Variants in NDUFA7 observed in about 807,000 individuals in gnomAD.
NDUFA7 encodes NADH:ubiquinone oxidoreductase subunit A7.
In NDUFA7, 18 loss-of-function variants were observed where a neutral mutation model predicts 14.2. The ratio of observed to expected loss-of-function variants is 1.27; its 90% CI spans 0.88 to 1.88. The LOEUF is 1.88. Among genes scored for constraint, NDUFA7 ranks in the 40% most tolerant of loss-of-function variants. NDUFA7 has a pLI of 0.00. For synonymous variants in NDUFA7, 75 were observed against 62.1 expected, an observed-to-expected ratio of 1.21 and a Z score of -0.98; for missense variants, 172 against 147.3, an observed-to-expected ratio of 1.17 and a Z score of -0.87.
At chr19:8,311,801 C>T (rs1197273087) in intron 3 of NDUFA7, among the ~76,000 whole-genome samples, 3 of 152,204 alleles carry the variant, frequency 2.0e-5, no homozygotes, top group East Asian at 1.9e-4. Context: ...CAAGCCTCCT[C>T]TCTCCCCTGA....
At chr19:8,320,217 T>C (rs1438882374) in intron 2 of NDUFA7, among the ~76,000 whole-genome samples, 3 of 152,190 alleles carry the variant, frequency 2.0e-5, no homozygotes. Flanking sequence ...GACTCAACTG[T>C]CAATTTCCAA....
intron 3 of NDUFA7, among the ~76,000 whole-genome samples, chr19:8,314,942 T>C (rs988385753): frequency 4.6e-5 from 7 of 152,266 alleles, no homozygotes; most frequent in African/African-American, 1.7e-4. Flanking sequence ...GTGTAGAAAG[T>C]AGACATAAGA....
Position 8,312,673 on chromosome 19 carries a change from TA to T in NDUFA7, c.252-1079del, listed in dbSNP as rs1208049098. ...TTTTTGTATTTTCTTTCTTGTTTAT[TA>T]TTTATGAGACAGGGTCTCACTTTGT... On this transcript the variant is annotated intron_variant, in intron 3 of 3. Transcript: ENST00000301457. Among the ~76,000 whole-genome samples the T allele has an allele frequency of 5.3e-5, 8 of 152,142 alleles. No homozygotes were observed. In the East Asian group the frequency reaches 1.5e-3, roughly 29 times the overall value.
intron 2 of NDUFA7, among the ~76,000 whole-genome samples, chr19:8,319,857 T>A (rs896044559): frequency 6.6e-6 from 1 of 151,092 alleles, no homozygotes; most frequent in Admixed American, 6.6e-5. Context: ...TTCTTTTTTA[T>A]TTTTTTGAGA....
chr19:8,320,870 C>A lies in NDUFA7; in HGVS notation c.88G>T (p.Glu30Ter), dbSNP rs200548169. The A allele has an allele frequency of 1.2e-6, 2 of 1,613,714 alleles. No individual in the cohort carries two copies. Among genetic ancestry groups the A allele is most frequent in the South Asian group, 1.1e-5 (1 of 91,078 alleles). ...LQGKLQLRYQ[E>*]ISKRTQPPPK... ...GGGCCTGCTCACCGCTTGGAGATCT[C>A]CTGGTAGCGTAGCTGCAGCTTCCCC... Residue 30 changes from glutamate to a stop codon, truncating the protein, a stop_gained, in exon 2 of 4, where the codon GAG (glutamate) becomes TAG (stop). Transcript: ENST00000301457. LOFTEE classifies it high-confidence loss of function.
chr19:8,321,283 G>C, intron 1 of NDUFA7, 25 bp downstream of exon 1: 2 of 1,551,466 alleles, frequency 1.3e-6, no homozygotes, highest in Non-Finnish European at 1.7e-6. Flanking sequence ...GCCCCCCATG[G>C]TGCAGCCCTG....
intron 3 of NDUFA7, among the ~76,000 whole-genome samples, chr19:8,314,799 G>C (rs887729086): frequency 6.6e-6 from 1 of 151,984 alleles, no homozygotes; most frequent in Non-Finnish European, 1.5e-5. Context: ...TGTAGTCCTA[G>C]CCACTAGGCA....
At chr19:8,319,696 ACTGCCT>A (rs1268216655) in intron 2 of NDUFA7, 1 of 152,088 alleles carries the variant, frequency 6.6e-6, no homozygotes, top group African/African-American at 2.4e-5. Context: ...ATCCTCAATG[ACTGCCT>A]TACCTCTGCC....
Position 8,316,579 on chromosome 19 carries a change from A to G in NDUFA7, c.168T>C (p.Thr56=). 1 of 1,614,148 alleles carries G rather than the reference A, an allele frequency of 6.2e-7. No homozygotes were observed. Among genetic ancestry groups the G allele is most frequent in the Non-Finnish European group, 8.5e-7 (1 of 1,180,036 alleles). The change falls in exon 3 of 4, where the codon ACT becomes ACC. Residue 56 remains threonine, a synonymous_variant. Transcript: ENST00000301457. ...SHKLSNNYYC[T]RDGRRESVPP... ...GCACAGATTCCCGGCGGCCATCGCG[A>G]GTGCAATAGTAATTGTTGGAGAGCT...
intron 2 of NDUFA7, among the ~76,000 whole-genome samples, chr19:8,318,846 C>T (rs1287395703): frequency 6.6e-6 from 1 of 151,316 alleles, no homozygotes; most frequent in East Asian, 2.0e-4. Context: ...TGGTGCACGC[C>T]TGTAGCCCCA....
At chr19:8,315,589 T>C (rs111979869) in intron 3 of NDUFA7, among the ~76,000 whole-genome samples, 3,346 of 152,224 alleles carry the variant, frequency 0.022, 172 homozygotes, top group South Asian at 0.17. Flanking sequence ...TCTCCACTAT[T>C]ATCCTATGAT....
At chr19:8,320,592 G>C (rs745383482) in intron 2 of NDUFA7, among the ~76,000 whole-genome samples, 2 of 152,118 alleles carry the variant, frequency 1.3e-5, no homozygotes, top group Non-Finnish European at 2.9e-5. Flanking sequence ...TGTAGCTTGG[G>C]GATAACACTG....
At chr19:8,321,146 A>G (rs548347185) in intron 1 of NDUFA7, 162 bp downstream of exon 1, 1 of 996,918 alleles carries the variant, frequency 1.0e-6, no homozygotes, top group East Asian at 2.6e-5. Flanking sequence ...TTCCCAGGCC[A>G]GGAGAGGGTC....
intron 3 of NDUFA7, among the ~76,000 whole-genome samples, chr19:8,312,907 C>T (rs1970194134): frequency 1.3e-5 from 2 of 152,166 alleles, no homozygotes; most frequent in Admixed American, 1.3e-4. Flanking sequence ...TCAAGCGATC[C>T]ACCCGCCTCG....
chr19:8,310,298 A>C (rs1397125237), downstream of NDUFA7, among the ~76,000 whole-genome samples: 1 of 151,926 alleles, frequency 6.6e-6, no homozygotes, highest in Non-Finnish European at 1.5e-5. Flanking sequence ...GGCTTGTGGC[A>C]GGCGCCTGTA....
chr19:8,310,610 G>C (rs1568560930), downstream of NDUFA7: 1 of 152,270 alleles, frequency 6.6e-6, no homozygotes, highest in Non-Finnish European at 1.5e-5. Context: ...CTGGCCTTTG[G>C]GGGAAAGGGC....
chr19:8,320,819 C>G, intron 2 of NDUFA7, 38 bp downstream of exon 2: 1 of 1,613,052 alleles, frequency 6.2e-7, no homozygotes, highest in South Asian at 1.1e-5. Flanking sequence ...GGAGAAAGGA[C>G]AGAGCCAGAG....
chr19:8,321,125 G>A (rs766528579), intron 1 of NDUFA7, 183 bp downstream of exon 1: 37 of 907,878 alleles, frequency 4.1e-5, no homozygotes, highest in South Asian at 1.7e-4. Context: ...GGAAATCCCA[G>A]GCCTGAGTGG....
rs1555785573 is a variant in NDUFA7 at position 8,316,495 on chromosome 19, C to G, written c.251+1G>C. Reference sequence around the variant, plus strand: ...TGGTGAGCAGCGCTGGAGATCCTCACCTCTCTGCTGGCTTGCCTGACACCA... The same window carrying G: ...TGGTGAGCAGCGCTGGAGATCCTCAGCTCTCTGCTGGCTTGCCTGACACCA... On this transcript the variant is annotated splice_donor_variant, in intron 3 of 3. Transcript: ENST00000301457. LOFTEE classifies it high-confidence loss of function. 1 of 1,613,752 alleles carries G rather than the reference C, an allele frequency of 6.2e-7. No homozygotes were observed. The highest frequency in any genetic ancestry group is 8.5e-7 in the Non-Finnish European group (1 of 1,179,866).
Sources: gnomAD v4.1 joint callset for allele counts (sites outside exome capture counted in the v4.1 genomes callset) on GRCh38, gnomAD v4.1.1 for gene constraint, MANE v1.5 for transcripts, NCBI Gene and HGNC (gene_info 2026-07-23, HGNC 2026-07-21) for gene names.